The following PLAA variants were observed in gnomAD, a reference collection of about 807,000 sequenced individuals.
PLAA encodes phospholipase A2 activating protein.
A neutral mutation model predicts 84.1 loss-of-function variants in PLAA; 48 were observed. The ratio of observed to expected loss-of-function variants is 0.57; its 90% confidence interval spans 0.45 to 0.73. The LOEUF (loss-of-function observed/expected upper bound fraction) is 0.73, where lower values mean the gene tolerates loss of function less well. Ranked by LOEUF, PLAA falls within the 30% of genes least tolerant of loss-of-function variation. The pLI, the probability that PLAA is intolerant of heterozygous loss-of-function variation, is 0.00. For synonymous variants in PLAA, 392 were observed against 336.6 expected, an observed-to-expected ratio of 1.16 and a Z score of -1.80; for missense variants, 903 against 954.7, an observed-to-expected ratio of 0.95 and a Z score of 0.71.
chr9:26,910,916 G>C (rs1055893624), intron 11 of PLAA, among the ~76,000 whole-genome samples: 1 of 152,120 alleles, frequency 6.6e-6, no homozygotes, highest in Non-Finnish European at 1.5e-5. Flanking sequence ...AAGGCATGCT[G>C]ATCTCTCCTT....
chr9:26,936,970 G>A (rs571456322), intron 1 of PLAA, among the ~76,000 whole-genome samples: 3 of 152,064 alleles, frequency 2.0e-5, no homozygotes, highest in African/African-American at 2.4e-5. Context: ...GTGAAACCCC[G>A]TCTCTACTAA....
chr9:26,934,548 C>T (rs999841429), intron 2 of PLAA, among the ~76,000 whole-genome samples: 2 of 144,148 alleles, frequency 1.4e-5, no homozygotes, highest in Non-Finnish European at 3.0e-5. Context: ...GGCAGGATCT[C>T]GGCTCATTGT....
intron 10 of PLAA, chr9:26,915,923 GA>G: frequency 1.0e-6 from 1 of 985,396 alleles, no homozygotes; most frequent in Non-Finnish European, 1.2e-6. Flanking sequence ...CTGAACTGCT[GA>G]TAGAGAGAAA....
At chr9:26,928,726 A>C (rs1337510713) in intron 2 of PLAA, among the ~76,000 whole-genome samples, 1 of 152,252 alleles carries the variant, frequency 6.6e-6, no homozygotes, top group East Asian at 1.9e-4. Context: ...GCTTTAACAA[A>C]TCATAATAGG....
intron 9 of PLAA, among the ~76,000 whole-genome samples, chr9:26,918,150 C>T (rs904793623): frequency 3.3e-5 from 5 of 152,024 alleles, no homozygotes; most frequent in South Asian, 4.1e-4. Flanking sequence ...CTTGCACTAT[C>T]GCCCAGGTTG....
intron 1 of PLAA, among the ~76,000 whole-genome samples, chr9:26,942,330 T>C (rs1825567611): frequency 6.6e-6 from 1 of 152,084 alleles, no homozygotes; most frequent in South Asian, 2.1e-4. Flanking sequence ...AATCCTAGGA[T>C]TAGTTGTGCA....
intron 11 of PLAA, among the ~76,000 whole-genome samples, chr9:26,910,668 A>G (rs1177614528): frequency 6.6e-6 from 1 of 152,086 alleles, no homozygotes; most frequent in Non-Finnish European, 1.5e-5. Flanking sequence ...GAACAAGATC[A>G]TCTCACACTT....
chr9:26,936,453 G>A (rs577811468), intron 1 of PLAA, among the ~76,000 whole-genome samples: 335 of 152,314 alleles, frequency 2.2e-3, no homozygotes, highest in Admixed American at 2.9e-3. Context: ...AGACAACGAT[G>A]GCACTGGCAG....
At chr9:26,931,466 C>A (rs1193095150) in intron 2 of PLAA, among the ~76,000 whole-genome samples, 3 of 152,156 alleles carry the variant, frequency 2.0e-5, no homozygotes, top group Admixed American at 6.5e-5. Flanking sequence ...AGATACAACA[C>A]TTGAACCCAC....
chr9:26,909,196 T>C (rs921490826), intron 12 of PLAA, among the ~76,000 whole-genome samples: 4 of 152,146 alleles, frequency 2.6e-5, no homozygotes, highest in African/African-American at 4.8e-5. Flanking sequence ...ATTTACACCA[T>C]TGAAATCAAT....
intron 2 of PLAA, 61 bp downstream of exon 2, chr9:26,934,952 A>T (rs954599332): frequency 1.0e-5 from 13 of 1,253,720 alleles, no homozygotes; most frequent in Non-Finnish European, 1.4e-5. Context: ...GGATATGTAA[A>T]TTTTACTTTC....
chr9:26,905,578 T>C lies in PLAA; in HGVS notation c.2321A>G (p.Lys774Arg), dbSNP rs757782703. 1.9e-6 allele frequency: 3 copies of C among 1,613,996 alleles called. No homozygotes were observed. In the South Asian group the frequency reaches 3.3e-5, roughly 18 times the overall value. The change falls in exon 14 of 14, where the codon AAG (lysine) becomes AGG (arginine). Residue 774 changes from lysine (K) to arginine (R), a missense_variant. Lys to Arg is a conservative substitution (Grantham distance 26, BLOSUM62 2). Transcript: ENST00000397292. The stretch of plus-strand genomic sequence containing the variant: ...AGCTGGTTCTGATACTGAGGAATAC[T>C]TTTTTATTTGAGAATCAACACCTAA... ...KSLGVDSQIK[K>R]YSSVSEPAKV...
intron 1 of PLAA, among the ~76,000 whole-genome samples, chr9:26,937,358 TCAA>T (rs535403762): frequency 5.3e-5 from 8 of 151,674 alleles, no homozygotes; most frequent in East Asian, 1.9e-4. Flanking sequence ...AAGACACCCT[TCAA>T]CAACAACAAC....
chr9:26,923,219 T>G lies in PLAA; in HGVS notation c.998A>C (p.Asn333Thr). ...TTCCCTCCCAGGAAGCTGCTCAGCA[T>G]TGATGTCCCCTAAATCGCCAGTTTT... ...DSKTGDLGDI[N>T]AEQLPGREHL... The change falls in exon 7 of 14, where the codon AAT becomes ACT. Residue 333 changes from asparagine to threonine, a missense_variant. Asn to Thr is a moderately conservative substitution (Grantham distance 65). Transcript: ENST00000397292. 1 of 1,612,958 alleles carries G rather than the reference T, an allele frequency of 6.2e-7. No homozygotes were observed. Among genetic ancestry groups the G allele is most frequent in the South Asian group, 1.1e-5 (1 of 90,962 alleles).
chr9:26,907,975 T>C lies in PLAA; in HGVS notation c.1681A>G (p.Thr561Ala), dbSNP rs746527087. ...ILGKLKELNG[T>A]APEEKKLTED... ...GTTAACTTCTTCTCTTCAGGTGCAG[T>C]TCCATTAAGTTCCTTCAGTTTACCT... The change falls in exon 13 of 14, where the codon ACT becomes GCT. Residue 561 changes from threonine to alanine, a missense_variant. Physicochemically the swap from Thr to Ala is moderately conservative, Grantham distance 58 (BLOSUM62 0). Coordinates refer to ENST00000397292, the MANE Select transcript of PLAA (RefSeq NM_001031689.3). 2 of 1,589,410 alleles carry C rather than the reference T, an allele frequency of 1.3e-6. No homozygotes were observed. Among genetic ancestry groups the C allele is most frequent in the Non-Finnish European group, 1.7e-6 (2 of 1,173,202 alleles).
At chr9:26,912,726 T>C (rs900603114) in intron 11 of PLAA, among the ~76,000 whole-genome samples, 1 of 152,198 alleles carries the variant, frequency 6.6e-6, no homozygotes, top group African/African-American at 2.4e-5. Flanking sequence ...GAAGTAGATA[T>C]GACCTCAACT....
Position 26,925,966 on chromosome 9 carries a change from A to G in PLAA, c.734-6T>C, listed in dbSNP as rs779732392. On this transcript the variant is annotated splice_region_variant and splice_polypyrimidine_tract_variant and intron_variant, in intron 5 of 13. Transcript: ENST00000397292. The stretch of plus-strand genomic sequence containing the variant: ...CTCTGCTGTTGTCACAAAGTCTAAA[A>G]TTAATGAATATAGGAAGTATTAGTT... The G allele has an allele frequency of 5.9e-5, 95 of 1,606,852 alleles. No homozygotes were observed. The highest frequency in any genetic ancestry group is 8.0e-5 in the Non-Finnish European group (94 of 1,173,618).
At chr9:26,917,897 C>G (rs1211960580) in intron 9 of PLAA, among the ~76,000 whole-genome samples, 3 of 152,164 alleles carry the variant, frequency 2.0e-5, no homozygotes, top group Non-Finnish European at 4.4e-5. Context: ...TCCTAGATTT[C>G]CAGACAAAGT....
Position 26,907,820 on chromosome 9 carries a change from G to A in PLAA, c.1822+14C>T. On this transcript the variant is annotated intron_variant, in intron 13 of 13. Coordinates refer to ENST00000397292, the MANE Select transcript of PLAA (RefSeq NM_001031689.3). Reference sequence around the variant, plus strand: ...CTTGCTTTCTGGTTACATTTTTGAAGAGTGTTTATTTACCTTCAGGACAGT... The same window carrying A: ...CTTGCTTTCTGGTTACATTTTTGAAAAGTGTTTATTTACCTTCAGGACAGT... 6.3e-7 allele frequency: 1 copy of A among 1,581,042 alleles called. No individual in the cohort carries two copies. The highest frequency in any genetic ancestry group is 2.3e-5 in the East Asian group (1 of 44,168).
Sources: gnomAD v4.1 joint callset for allele counts (sites outside exome capture counted in the v4.1 genomes callset) on GRCh38, gnomAD v4.1.1 for gene constraint, MANE v1.5 for transcripts, NCBI Gene and HGNC (gene_info 2026-07-23, HGNC 2026-07-21) for gene names.